The following KIF20B variants were observed in gnomAD, a reference collection of about 807,000 sequenced individuals.
KIF20B encodes kinesin family member 20B.
A neutral mutation model predicts 232.5 loss-of-function variants in KIF20B; 188 were observed. That is an observed-to-expected ratio of 0.81 (90% CI 0.72 to 0.91). The LOEUF is 0.91. Ranked by LOEUF, KIF20B falls within the 40% of genes least tolerant of loss-of-function variation. KIF20B has a pLI of 0.00. For missense variants in KIF20B, 2,154 were observed against 2,055.9 expected (o/e 1.05, Z -0.92); for synonymous variants, 712 against 683.0 (o/e 1.04, Z -0.66).
At position 89,774,106 on chromosome 10, in the gene KIF20B, CCT is replaced by C. The variant is rs1292193733; in HGVS notation, c.*59_*60del. The C allele has an allele frequency of 6.7e-6, 7 of 1,044,788 alleles. No homozygotes were observed. The highest frequency in any genetic ancestry group is 9.9e-6 in the Non-Finnish European group (7 of 705,102). 64.7% of individuals were successfully genotyped at this position (1,044,788 alleles called of 1,614,324 possible). A position where few individuals can be genotyped will look rare whatever the true frequency, so the allele number is the denominator to read the frequency against. Reference sequence around the variant, plus strand: ...TAGTCATAGTCATTGGAACTTGCATCCTGTATTGTAAATATAAATGTATATAT... The same window carrying C: ...TAGTCATAGTCATTGGAACTTGCATCGTATTGTAAATATAAATGTATATAT... On this transcript the variant is annotated 3_prime_UTR_variant, in exon 33 of 33. Transcript: ENST00000371728.
chr10:89,757,153 C>T (rs970147246), intron 26 of KIF20B, among the ~76,000 whole-genome samples: 2 of 150,388 alleles, frequency 1.3e-5, no homozygotes, highest in Non-Finnish European at 3.0e-5. Flanking sequence ...AGCAGTTGTA[C>T]CCATTTATAC....
Position 89,751,490 on chromosome 10 carries a change from C to T in KIF20B, c.4222+19C>T, listed in dbSNP as rs1467007671. ...GCCACAGGTAAAACAAGATTGCTTA[C>T]ATTTCTCTAAATATACTTTTTCATT... On this transcript the variant is annotated intron_variant, in intron 24 of 32. Transcript: ENST00000371728. 6.3e-7 allele frequency: 1 copy of T among 1,587,412 alleles called. No individual in the cohort carries two copies.
intron 29 of KIF20B, among the ~76,000 whole-genome samples, chr10:89,763,580 T>A (rs568093703): frequency 6.6e-6 from 1 of 152,120 alleles, no homozygotes; most frequent in African/African-American, 2.4e-5. Context: ...AGAGAAATTC[T>A]TTTTTCATCA....
intron 21 of KIF20B, among the ~76,000 whole-genome samples, chr10:89,743,604 T>C (rs1278608008): frequency 6.6e-6 from 1 of 152,228 alleles, no homozygotes; most frequent in East Asian, 1.9e-4. Context: ...GTTTTTCATA[T>C]GCATTCTTCA....
At chr10:89,710,807 A>G (rs1842822125) in intron 5 of KIF20B, among the ~76,000 whole-genome samples, 154 bp from the exon 6 acceptor site, 1 of 152,262 alleles carries the variant, frequency 6.6e-6, no homozygotes, top group South Asian at 2.1e-4. Context: ...TGTGAATAAC[A>G]AAGTGATGGA....
Position 89,757,069 on chromosome 10 carries a change from T to TATACAC in KIF20B, c.4504-1636_4504-1635insTACACA, listed in dbSNP as rs138088478. Reference sequence around the variant, plus strand: ...ATATATATATATATATATATATATATACACACATGACAATTGCTAGATGAT... The same window carrying TATACAC: ...ATATATATATATATATATATATATATATACACACACACATGACAATTGCTAGATGAT... On this transcript the variant is annotated intron_variant, in intron 26 of 32. Coordinates refer to ENST00000371728, the MANE Select transcript of KIF20B (RefSeq NM_001284259.2). 6.4e-3 allele frequency among the ~76,000 whole-genome samples: 861 copies of TATACAC among 134,226 alleles called. 23 individuals carry two copies. Among genetic ancestry groups the TATACAC allele is most frequent in the East Asian group, 0.061 (205 of 3,358 alleles). 88.1% of individuals were successfully genotyped at this position (134,226 alleles called of 152,430 possible).
At chr10:89,748,392 T>C (rs1186864840) in intron 23 of KIF20B, among the ~76,000 whole-genome samples, 1 of 152,234 alleles carries the variant, frequency 6.6e-6, no homozygotes, top group Non-Finnish European at 1.5e-5. Context: ...CCTTAACTTC[T>C]TTGTTCTGTG....
chr10:89,748,752 G>A (rs1841967424), intron 23 of KIF20B, among the ~76,000 whole-genome samples: 2 of 152,066 alleles, frequency 1.3e-5, no homozygotes, highest in African/African-American at 4.8e-5. Context: ...CTCTGGAAAA[G>A]TCTACCCTTG....
chr10:89,709,706 T>C (rs566134775), intron 4 of KIF20B, among the ~76,000 whole-genome samples: 1 of 151,916 alleles, frequency 6.6e-6, no homozygotes, highest in Non-Finnish European at 1.5e-5. Context: ...TTAAGAAATA[T>C]TCTTTTCAAA....
At chr10:89,717,364 C>A in intron 9 of KIF20B, 60 bp from the exon 10 acceptor site, 1 of 1,033,366 alleles carries the variant, frequency 9.7e-7, no homozygotes, top group Non-Finnish European at 1.5e-6. Flanking sequence ...ATACTTGTCT[C>A]TCCTATTTAG....
In KIF20B at chr10:89,751,485, G is replaced by A; in HGVS notation, c.4222+14G>A. 1.3e-6 allele frequency: 2 copies of A among 1,589,072 alleles called. No individual in the cohort carries two copies. The highest frequency in any genetic ancestry group is 2.4e-5 in the South Asian group (2 of 84,416). ...GGCTGGCCACAGGTAAAACAAGATT[G>A]CTTACATTTCTCTAAATATACTTTT... On this transcript the variant is annotated intron_variant, in intron 24 of 32. Transcript: ENST00000371728.
rs917394146 is a variant in KIF20B at position 89,709,267 on chromosome 10, T to G, written c.234+14T>G. On this transcript the variant is annotated intron_variant, in intron 3 of 32. Transcript: ENST00000371728. ...CTTGAGTCTGAGGTTTGTGTTGAATTTAATAGAATTTTAATATTTTACTTT... is the reference window on the plus strand; with the variant it reads ...CTTGAGTCTGAGGTTTGTGTTGAATGTAATAGAATTTTAATATTTTACTTT... 1.3e-6 allele frequency: 2 copies of G among 1,597,292 alleles called. No homozygotes were observed. Among genetic ancestry groups the G allele is most frequent in the Non-Finnish European group, 1.7e-6 (2 of 1,168,956 alleles).
intron 19 of KIF20B, among the ~76,000 whole-genome samples, chr10:89,734,765 G>A (rs1355663480): frequency 6.6e-6 from 1 of 152,128 alleles, no homozygotes; most frequent in Non-Finnish European, 1.5e-5. Context: ...TAATGGGTTT[G>A]AATTTCATAA....
At position 89,738,527 on chromosome 10, in the gene KIF20B, TCA is replaced by T; in HGVS notation, c.3691_3692del (p.Gln1231ValfsTer4). ...AAGGAACTCAAGCTGAAAGAAGAAATCACACAGTTAACAAATAATTTGCAAGA... is the reference window on the plus strand; with the variant it reads ...AAGGAACTCAAGCTGAAAGAAGAAATCACAGTTAACAAATAATTTGCAAGA... On this transcript the variant is annotated frameshift_variant, in exon 20 of 33. Coordinates refer to ENST00000371728, the MANE Select transcript of KIF20B (RefSeq NM_001284259.2). LOFTEE classifies it high-confidence loss of function. The T allele has an allele frequency of 6.2e-7, 1 of 1,601,606 alleles. No individual in the cohort carries two copies.
intron 28 of KIF20B, among the ~76,000 whole-genome samples, chr10:89,762,124 T>G: frequency 6.6e-6 from 1 of 152,104 alleles, no homozygotes; most frequent in East Asian, 1.9e-4. Context: ...GAAAGTGTTC[T>G]AAGAGGACAG....
chr10:89,764,020 A>G (rs1233747933), intron 29 of KIF20B, among the ~76,000 whole-genome samples: 1 of 148,640 alleles, frequency 6.7e-6, no homozygotes, highest in East Asian at 2.1e-4. Context: ...AGCATTAGGT[A>G]TATCTCCTAA....
rs1314304144 is a variant in KIF20B at position 89,726,333 on chromosome 10, C to G, written c.2042C>G (p.Ser681Cys). 3 of 1,550,522 alleles carry G rather than the reference C, an allele frequency of 1.9e-6. No homozygotes were observed. The highest frequency in any genetic ancestry group is 3.9e-5 in the Admixed American group (2 of 50,886). Residue 681 changes from serine to cysteine, a missense_variant, in exon 16 of 33, where the codon TCT becomes TGT. Coordinates refer to ENST00000371728, the MANE Select transcript of KIF20B (RefSeq NM_001284259.2). ...NYVGFEDIID[S>C]LQDNVADIKK... ...GTAGGATTTGAAGATATTATTGATT[C>G]TCTTCAAGATAATGTTGCTGATATT...
chr10:89,721,347 T>C (rs1843052761), intron 13 of KIF20B, among the ~76,000 whole-genome samples: 2 of 152,146 alleles, frequency 1.3e-5, no homozygotes, highest in African/African-American at 2.4e-5. Flanking sequence ...ATGTATTAAA[T>C]AGTACCTCCT....
chr10:89,711,825 A>G (rs1842842692), intron 6 of KIF20B, among the ~76,000 whole-genome samples: 1 of 152,074 alleles, frequency 6.6e-6, no homozygotes, highest in Non-Finnish European at 1.5e-5. Flanking sequence ...TAAATTTTAA[A>G]TCAGCTTTTA....
Sources: allele counts gnomAD v4.1 joint callset (sites outside exome capture counted in the v4.1 genomes callset), GRCh38; gene constraint gnomAD v4.1.1; transcripts MANE v1.5; gene names NCBI Gene and HGNC (gene_info 2026-07-23, HGNC 2026-07-21).